Variants in ADAMTS20 observed in about 807,000 individuals in gnomAD.
The protein encoded by ADAMTS20 is A disintegrin and metalloproteinase with thrombospondin motifs 20.
ADAMTS20 carries 225 observed loss-of-function variants against 260.1 expected under a neutral mutation model. The observed-to-expected ratio is 0.87, with a 90% CI of 0.78 to 0.97. The LOEUF (loss-of-function observed/expected upper bound fraction) is 0.97, where lower values mean the gene tolerates loss of function less well. Ranked by LOEUF, ADAMTS20 falls within the 50% of genes least tolerant of loss-of-function variation. The pLI is 0.00. For missense variants in ADAMTS20, 2,400 were observed against 2,337.7 expected, an observed-to-expected ratio of 1.03 and a Z score of -0.55; for synonymous variants, 802 against 769.5, an observed-to-expected ratio of 1.04 and a Z score of -0.70.
chr12:43,470,614 G>T (rs1347659736), intron 7 of ADAMTS20, among the ~76,000 whole-genome samples: 1 of 152,132 alleles, frequency 6.6e-6, no homozygotes, highest in Admixed American at 6.5e-5. Context: ...CTTGATACAG[G>T]TTCCCTGTGT....
At chr12:43,476,975 C>A (rs1942365150) in intron 7 of ADAMTS20, among the ~76,000 whole-genome samples, 2 of 129,736 alleles carry the variant, frequency 1.5e-5, no homozygotes, top group Non-Finnish European at 1.6e-5. Flanking sequence ...TGCACATGTA[C>A]CCTAAAACTT....
intron 31 of ADAMTS20, among the ~76,000 whole-genome samples, chr12:43,383,109 G>C (rs189770632): frequency 1.3e-5 from 2 of 152,178 alleles, no homozygotes; most frequent in East Asian, 1.9e-4. Flanking sequence ...AAAAGAGAGG[G>C]GGGAAAGAGA....
intron 3 of ADAMTS20, 24 bp downstream of exon 3, chr12:43,532,012 A>G: frequency 6.9e-7 from 1 of 1,445,288 alleles, no homozygotes; most frequent in Non-Finnish European, 9.2e-7. Context: ...ATTTAGCTGA[A>G]AAGAGTTCTA....
chr12:43,364,001 A>G (rs1259066415), intron 37 of ADAMTS20, among the ~76,000 whole-genome samples: 2 of 152,180 alleles, frequency 1.3e-5, no homozygotes, highest in African/African-American at 2.4e-5. Flanking sequence ...GAGACAGACC[A>G]CGCATAAACT....
At chr12:43,546,410 A>C (rs12313331) in intron 2 of ADAMTS20, among the ~76,000 whole-genome samples, 2,271 of 152,224 alleles carry the variant, frequency 0.015, 55 homozygotes, top group African/African-American at 0.051. Context: ...GAAATAGAGA[A>C]GTTAACTGTC....
intron 2 of ADAMTS20, among the ~76,000 whole-genome samples, chr12:43,538,718 T>C (rs966004889): frequency 9.2e-5 from 14 of 152,324 alleles, no homozygotes; most frequent in Admixed American, 9.1e-4. Context: ...ATGGCAATTG[T>C]AGCCATAAAG....
rs1940226460 is a variant in ADAMTS20, at chr12:43,376,289, G to A, written c.5167C>T (p.His1723Tyr). ...TTCKEIQVKNHIRKDGDYYLN... is the reference protein window; with the variant it reads ...TTCKEIQVKNYIRKDGDYYLN... ...TAATAGTCACCATCCTTTCTAATGT[G>A]GTTTTTCACTTGAATTTCTTTGCAG... Residue 1723 changes from histidine to tyrosine, a missense_variant, in exon 34 of 39, where the codon CAC becomes TAC. His to Tyr is a moderately conservative substitution (Grantham distance 83). Transcript: ENST00000389420. 4 of 1,555,530 alleles carry A rather than the reference G, an allele frequency of 2.6e-6. No homozygotes were observed. The highest frequency in any genetic ancestry group is 2.6e-6 in the Non-Finnish European group (3 of 1,148,256).
intron 38 of ADAMTS20, among the ~76,000 whole-genome samples, chr12:43,355,908 G>A (rs1939734050): frequency 6.6e-6 from 1 of 151,860 alleles, no homozygotes; most frequent in Non-Finnish European, 1.5e-5. Context: ...CTACATAACA[G>A]TCTACATTTT....
Position 43,434,263 on chromosome 12 carries a change from T to C in ADAMTS20, c.2702A>G (p.Asn901Ser), listed in dbSNP as rs1207997465. 6 of 1,584,530 alleles carry C rather than the reference T, an allele frequency of 3.8e-6. No homozygotes were observed. Among genetic ancestry groups the C allele is most frequent in the Non-Finnish European group, 5.2e-6 (6 of 1,163,402 alleles). The change falls in exon 19 of 39, where the codon AAT (asparagine) becomes AGT (serine). Residue 901 changes from asparagine (N) to serine (S), a missense_variant. Physicochemically the swap from Asn to Ser is conservative, Grantham distance 46. Transcript: ENST00000389420. Reference protein sequence around the residue: ...PLPSFVTQSCNTDCELRWHVI... With the variant: ...PLPSFVTQSCSTDCELRWHVI... ...CTTTTACCTTAGTTCACAGTCTGTA[T>C]TGCAACTTTGAGTAACAAATGATGG...
chr12:43,539,965 C>T (rs928832306), intron 2 of ADAMTS20, among the ~76,000 whole-genome samples: 9 of 152,006 alleles, frequency 5.9e-5, no homozygotes, highest in African/African-American at 1.9e-4. Context: ...TCACTGCAAC[C>T]TCCACCTCCC....
chr12:43,467,280 GTC>G (rs1942171973), intron 8 of ADAMTS20, among the ~76,000 whole-genome samples: 1 of 151,894 alleles, frequency 6.6e-6, no homozygotes, highest in Non-Finnish European at 1.5e-5. Context: ...ACTATTTTAG[GTC>G]CATACTTCCT....
At chr12:43,376,678 G>A (rs766610243) in intron 32 of ADAMTS20, 25 bp from the exon 33 acceptor site, 2 of 1,587,918 alleles carry the variant, frequency 1.3e-6, no homozygotes, top group Non-Finnish European at 1.7e-6. Flanking sequence ...AAATTTGAAG[G>A]CAAACTATAT....
At chr12:43,394,357 A>G (rs1470358246) in intron 29 of ADAMTS20, among the ~76,000 whole-genome samples, 7 of 152,134 alleles carry the variant, frequency 4.6e-5, no homozygotes, top group Non-Finnish European at 1.0e-4. Flanking sequence ...TCTGTATTCC[A>G]GAATAGGCAC....
intron 2 of ADAMTS20, among the ~76,000 whole-genome samples, chr12:43,544,020 T>C (rs980005549): frequency 6.6e-6 from 1 of 152,136 alleles, no homozygotes; most frequent in African/African-American, 2.4e-5. Flanking sequence ...AGGTAATAAA[T>C]GACTGATAAA....
intron 31 of ADAMTS20, among the ~76,000 whole-genome samples, chr12:43,380,666 T>C (rs1940330002): frequency 6.6e-6 from 1 of 152,022 alleles, no homozygotes; most frequent in African/African-American, 2.4e-5. Flanking sequence ...ATTTACAGAA[T>C]ATAAAAAATA....
intron 4 of ADAMTS20, among the ~76,000 whole-genome samples, chr12:43,494,026 C>T (rs369835108): frequency 6.6e-6 from 1 of 152,066 alleles, no homozygotes; most frequent in Non-Finnish European, 1.5e-5. Flanking sequence ...CTTCTTGTAG[C>T]CATTATAGAG....
chr12:43,377,574 A>G lies in ADAMTS20; in HGVS notation c.4798-12T>C. 1 of 1,597,524 alleles carries G rather than the reference A, an allele frequency of 6.3e-7. No individual in the cohort carries two copies. The highest frequency in any genetic ancestry group is 8.6e-7 in the Non-Finnish European group (1 of 1,168,998). On this transcript the variant is annotated splice_polypyrimidine_tract_variant and intron_variant, in intron 31 of 38. Coordinates refer to ENST00000389420, the MANE Select transcript of ADAMTS20 (RefSeq NM_025003.5). The stretch of plus-strand genomic sequence containing the variant: ...CAGTTGTTTGCACACTGAAAAATAC[A>G]TAATTACAAGAAAGAAAATGTCATT...
At chr12:43,500,543 C>A (rs1361628521) in intron 4 of ADAMTS20, among the ~76,000 whole-genome samples, 2 of 151,976 alleles carry the variant, frequency 1.3e-5, no homozygotes, top group Non-Finnish European at 1.5e-5. Context: ...ACTTCAAATT[C>A]AGAATTTAAA....
intron 28 of ADAMTS20, 75 bp from the exon 29 acceptor site, chr12:43,399,308 ATG>A: frequency 8.4e-7 from 1 of 1,185,764 alleles, no homozygotes; most frequent in Non-Finnish European, 1.1e-6. Context: ...GAAGTACAAA[ATG>A]TAACAATCCA....
Sources: allele counts gnomAD v4.1 joint callset (sites outside exome capture counted in the v4.1 genomes callset), GRCh38; gene constraint gnomAD v4.1.1; transcripts MANE v1.5; gene names NCBI Gene and HGNC (gene_info 2026-07-23, HGNC 2026-07-21).